CREM: variants seen among roughly 807,000 people sequenced by gnomAD.
The protein encoded by CREM is cAMP-responsive element modulator.
A neutral mutation model predicts 37.3 loss-of-function variants in CREM; 13 were observed. The ratio of observed to expected loss-of-function variants is 0.35; its 90% confidence interval spans 0.23 to 0.55. The LOEUF (loss-of-function observed/expected upper bound fraction) is 0.55. Among genes scored for constraint, CREM ranks in the 20% least tolerant of loss-of-function variants. The probability of loss-of-function intolerance (pLI) is 0.88; values close to 1 mark genes in which losing one functional copy is unlikely to be tolerated. For missense variants in CREM, 296 were observed against 362.3 expected (o/e 0.82, Z 1.49); for synonymous variants, 124 against 120.2 (o/e 1.03, Z -0.21).
At chr10:35,203,123 C>T (rs1019328578) in intron 6 of CREM, among the ~76,000 whole-genome samples, 7 of 151,750 alleles carry the variant, frequency 4.6e-5, no homozygotes, top group Admixed American at 3.3e-4. Flanking sequence ...AGCATAATAA[C>T]GGCTCACTGT....
At chr10:35,206,507 A>G (rs2095527366) in intron 6 of CREM, among the ~76,000 whole-genome samples, 1 of 152,156 alleles carries the variant, frequency 6.6e-6, no homozygotes, top group Non-Finnish European at 1.5e-5. Context: ...TGGTGGAAGT[A>G]TTTACATCGT....
chr10:35,195,465 C>T (rs1039496075), intron 6 of CREM, among the ~76,000 whole-genome samples: 9 of 151,694 alleles, frequency 5.9e-5, no homozygotes, highest in Admixed American at 5.9e-4. Context: ...CTCTATCCTC[C>T]CTCCCCTCCT....
chr10:35,177,995 C>T (rs2094171849), intron 3 of CREM, among the ~76,000 whole-genome samples: 2 of 152,070 alleles, frequency 1.3e-5, no homozygotes, highest in African/African-American at 4.8e-5. Context: ...GAATATACAC[C>T]TCCGTGTACT....
At chr10:35,137,152 C>T (rs535589917) in intron 1 of CREM, among the ~76,000 whole-genome samples, 40 of 152,250 alleles carry the variant, frequency 2.6e-4, no homozygotes, top group African/African-American at 9.1e-4. Context: ...AGTTTTACTT[C>T]TTTCCACATG....
chr10:35,173,786 C>T (rs1418966321), intron 3 of CREM, among the ~76,000 whole-genome samples: 1 of 152,134 alleles, frequency 6.6e-6, no homozygotes, highest in Non-Finnish European at 1.5e-5. Context: ...TTCTTAAGAT[C>T]TAGTTAAGTG....
At chr10:35,134,059 T>G (rs914755905) in intron 1 of CREM, among the ~76,000 whole-genome samples, 4 of 151,792 alleles carry the variant, frequency 2.6e-5, no homozygotes, top group Non-Finnish European at 4.4e-5. Context: ...TTTTTTGTTT[T>G]TTTTTTTTTT....
intron 2 of CREM, 136 bp from the exon 3 acceptor site, chr10:35,148,232 A>G: frequency 2.5e-6 from 2 of 789,870 alleles, no homozygotes; most frequent in Non-Finnish European, 2.0e-6. Flanking sequence ...CTTTTGTGGC[A>G]TCATGTAAAT....
At chr10:35,144,738 C>CTT (rs34780156) in intron 2 of CREM, among the ~76,000 whole-genome samples, 109 of 147,110 alleles carry the variant, frequency 7.4e-4, no homozygotes, top group Admixed American at 1.4e-3. Context: ...ATCATTAAAA[C>CTT]TTTTTTTTTT....
intron 5 of CREM, among the ~76,000 whole-genome samples, chr10:35,187,853 C>T (rs1564925516): frequency 6.6e-6 from 1 of 152,144 alleles, no homozygotes; most frequent in Non-Finnish European, 1.5e-5. Flanking sequence ...TAAGGAAAAA[C>T]ATCTGAGAGA....
chr10:35,141,200 C>T (rs2091373988), intron 2 of CREM, among the ~76,000 whole-genome samples: 1 of 152,122 alleles, frequency 6.6e-6, no homozygotes. Context: ...AGTTGTTAAT[C>T]AAAACTACCA....
chr10:35,185,720 C>G (rs932176508), intron 5 of CREM, among the ~76,000 whole-genome samples: 7 of 152,154 alleles, frequency 4.6e-5, no homozygotes, highest in Non-Finnish European at 7.3e-5. Flanking sequence ...AAAATAACTG[C>G]TCTAGGTGAG....
intron 6 of CREM, chr10:35,194,979 C>T: frequency 2.5e-6 from 1 of 403,448 alleles, no homozygotes; most frequent in Non-Finnish European, 4.4e-6. Flanking sequence ...GAAACAAGAG[C>T]ATTAAGATGG....
At chr10:35,175,744 G>GA (rs2094030091) in intron 3 of CREM, 18 of 1,614,014 alleles carry the variant, frequency 1.1e-5, no homozygotes, top group Non-Finnish European at 1.5e-5. Flanking sequence ...TCAGCAGCAG[G>GA]AAAAAGAGAA....
intron 3 of CREM, among the ~76,000 whole-genome samples, chr10:35,153,296 A>G (rs563466764): frequency 6.6e-6 from 1 of 152,270 alleles, no homozygotes; most frequent in African/African-American, 2.4e-5. Flanking sequence ...TGCCTCATCT[A>G]TCTTCTTTTT....
chr10:35,164,689 G>T (rs1209837594), intron 3 of CREM, among the ~76,000 whole-genome samples: 2 of 152,194 alleles, frequency 1.3e-5, no homozygotes, highest in Non-Finnish European at 2.9e-5. Flanking sequence ...CATTGGACTG[G>T]AACTGAAAAC....
chr10:35,211,187 G>A, intron 7 of CREM, 67 bp from the exon 8 acceptor site: 1 of 1,558,430 alleles, frequency 6.4e-7, no homozygotes, highest in African/African-American at 1.4e-5. Flanking sequence ...GGGCAGAAGT[G>A]CACTGACCCA....
chr10:35,195,114 A>G (rs370233632), intron 6 of CREM: 7 of 1,508,720 alleles, frequency 4.6e-6, no homozygotes, highest in Non-Finnish European at 6.4e-6. Context: ...TATCCTGCAC[A>G]TGCTTGCTAA....
At chr10:35,159,353 G>C (rs1366254047) in intron 3 of CREM, among the ~76,000 whole-genome samples, 1 of 151,862 alleles carries the variant, frequency 6.6e-6, no homozygotes, top group Non-Finnish European at 1.5e-5. Flanking sequence ...AATTAAAACT[G>C]CATGGTACCA....
chr10:35,209,244 C>T, intron 7 of CREM: 2 of 870,156 alleles, frequency 2.3e-6, no homozygotes, highest in African/African-American at 3.6e-5. Context: ...CTTTGATTGG[C>T]ATCTATAATC....
Sources: allele counts gnomAD v4.1 joint callset (sites outside exome capture counted in the v4.1 genomes callset), GRCh38; gene constraint gnomAD v4.1.1; transcripts MANE v1.5; gene names NCBI Gene and HGNC (gene_info 2026-07-23, HGNC 2026-07-21).